Variants in NPSR1 observed in about 807,000 individuals in gnomAD.
NPSR1 encodes neuropeptide S receptor 1, also known as neuropeptide S receptor.
NPSR1 carries 48 observed loss-of-function variants against 46.9 expected under a neutral mutation model. That is an observed-to-expected ratio of 1.02 (90% CI 0.81 to 1.30). NPSR1 has a LOEUF of 1.30. NPSR1 is among the 50% of genes most tolerant of loss of function. The pLI is 0.00. For missense variants in NPSR1, 450 were observed against 449.5 expected (o/e 1.00, Z -0.01); for synonymous variants, 176 against 168.1 (o/e 1.05, Z -0.36).
intron 6 of NPSR1, among the ~76,000 whole-genome samples, chr7:34,838,964 T>A (rs943034834): frequency 6.6e-6 from 1 of 152,346 alleles, no homozygotes; most frequent in African/African-American, 2.4e-5. Flanking sequence ...TGATCCATGC[T>A]ATATCCAAAT....
At chr7:34,830,090 T>TG (rs917522515) in intron 5 of NPSR1, among the ~76,000 whole-genome samples, 9 of 152,314 alleles carry the variant, frequency 5.9e-5, no homozygotes, top group Admixed American at 1.3e-4. Context: ...GACCAGGCCC[T>TG]GGGGGGGCGA....
chr7:34,843,374 A>G (rs1465141993), intron 6 of NPSR1, among the ~76,000 whole-genome samples: 3 of 152,332 alleles, frequency 2.0e-5, no homozygotes, highest in Non-Finnish European at 4.4e-5. Context: ...CCATTCCATC[A>G]GAAGCCCACT....
At chr7:34,801,725 T>G (rs1788425185) in intron 3 of NPSR1, among the ~76,000 whole-genome samples, 1 of 147,494 alleles carries the variant, frequency 6.8e-6, no homozygotes, top group Non-Finnish European at 1.5e-5. Context: ...CCAGGGCAAT[T>G]AGGCAGGAGA....
intron 2 of NPSR1, among the ~76,000 whole-genome samples, chr7:34,770,123 ATTG>A (rs1181707663): frequency 1.1e-4 from 17 of 152,248 alleles, no homozygotes; most frequent in Non-Finnish European, 8.8e-5. Flanking sequence ...AGAATAGATT[ATTG>A]TTATTTACAT....
chr7:34,737,560 A>G (rs1385889458), intron 2 of NPSR1, among the ~76,000 whole-genome samples: 2 of 152,168 alleles, frequency 1.3e-5, no homozygotes, highest in African/African-American at 4.8e-5. Flanking sequence ...AGTAACTTTC[A>G]TATTCTAAAC....
chr7:34,719,729 CAA>C (rs1279470185), intron 2 of NPSR1: 1 of 152,138 alleles, frequency 6.6e-6, no homozygotes, highest in Non-Finnish European at 1.5e-5. Context: ...TTCTCTTATG[CAA>C]AACATCTAGA....
intron 6 of NPSR1, among the ~76,000 whole-genome samples, chr7:34,839,458 T>C (rs1243151516): frequency 6.6e-6 from 1 of 152,196 alleles, no homozygotes; most frequent in African/African-American, 2.4e-5. Context: ...GAGTGCGGTA[T>C]TGGCACAATA....
intron 3 of NPSR1, among the ~76,000 whole-genome samples, chr7:34,779,278 T>A (rs1473643496): frequency 1.3e-5 from 2 of 151,982 alleles, no homozygotes; most frequent in African/African-American, 4.8e-5. Context: ...ACACTTCAAC[T>A]AAGTCTGGAA....
chr7:34,772,198 T>C (rs1335352599), intron 2 of NPSR1, among the ~76,000 whole-genome samples: 1 of 152,234 alleles, frequency 6.6e-6, no homozygotes, highest in Non-Finnish European at 1.5e-5. Context: ...GTTCTAACAT[T>C]AGTAAACCTC....
intron 5 of NPSR1, among the ~76,000 whole-genome samples, chr7:34,829,993 C>T (rs1790040393): frequency 1.3e-5 from 2 of 152,206 alleles, no homozygotes; most frequent in Admixed American, 6.5e-5. Context: ...TTCCCTCTTT[C>T]GTGGCTCCCT....
chr7:34,852,019 C>T (rs988394331), downstream of NPSR1, among the ~76,000 whole-genome samples: 2 of 152,060 alleles, frequency 1.3e-5, no homozygotes, highest in East Asian at 1.9e-4. Context: ...GGTAATTGGC[C>T]GGGCACAGTG....
At chr7:34,667,766 A>C (rs937828399) in intron 1 of NPSR1, among the ~76,000 whole-genome samples, 1 of 151,872 alleles carries the variant, frequency 6.6e-6, no homozygotes, top group African/African-American at 2.4e-5. Flanking sequence ...CCCAGCCTTA[A>C]CTGCTTGCCC....
chr7:34,811,920 G>C, intron 4 of NPSR1, 57 bp downstream of exon 4: 1 of 1,088,150 alleles, frequency 9.2e-7, no homozygotes, highest in Non-Finnish European at 1.4e-6. Flanking sequence ...GTGAGGGTAG[G>C]ATCATTTTCA....
chr7:34,661,565 G>A (rs1304087545), intron 1 of NPSR1, among the ~76,000 whole-genome samples: 1 of 152,162 alleles, frequency 6.6e-6, no homozygotes, highest in Non-Finnish European at 1.5e-5. Flanking sequence ...CAGGCTTAGA[G>A]TCTGTTCCTT....
At chr7:34,822,565 G>T (rs1293429038) in intron 4 of NPSR1, among the ~76,000 whole-genome samples, 1 of 152,214 alleles carries the variant, frequency 6.6e-6, no homozygotes. Flanking sequence ...GAAATATGCA[G>T]TGTTATATTA....
chr7:34,841,755 G>A (rs1027176833), intron 6 of NPSR1, among the ~76,000 whole-genome samples: 3 of 152,116 alleles, frequency 2.0e-5, no homozygotes, highest in South Asian at 2.1e-4. Context: ...GAAGCACTGC[G>A]GGTTTCCATT....
At position 34,827,441 on chromosome 7, in the gene NPSR1, G is replaced by A. The variant is rs370633295; in HGVS notation, c.519G>A (p.Leu173=). ...ARVLIVIAWS[L]SFLFSIPTLI... is the part of the protein sequence containing the mutation. ...TCCTCATTGTGATCGCCTGGAGCCTGTCTTTTCTGTTCTCCATTCCCACCC... is the reference window on the plus strand; with the variant it reads ...TCCTCATTGTGATCGCCTGGAGCCTATCTTTTCTGTTCTCCATTCCCACCC... Residue 173 remains leucine, a synonymous_variant, in exon 5 of 9, where the codon CTG becomes CTA. Coordinates refer to ENST00000360581, the MANE Select transcript of NPSR1 (RefSeq NM_207172.2). 1.3e-5 allele frequency: 21 copies of A among 1,613,994 alleles called. No homozygotes were observed. The highest frequency in any genetic ancestry group is 1.7e-5 in the Non-Finnish European group (20 of 1,180,022).
At chr7:34,851,242 TAATAGCACTCCA>T, downstream of NPSR1, among the ~76,000 whole-genome samples, 1 of 151,800 alleles carries the variant, frequency 6.6e-6, no homozygotes. Context: ...CAGTATATTT[TAATAGCACTCCA>T]TTCCTCATTA....
intron 3 of NPSR1, among the ~76,000 whole-genome samples, chr7:34,779,379 G>A (rs917794476): frequency 1.3e-5 from 2 of 151,798 alleles, no homozygotes; most frequent in Non-Finnish European, 2.9e-5. Flanking sequence ...TTATTCTGAT[G>A]CTAGTACTTC....
Sources: allele counts gnomAD v4.1 joint callset (sites outside exome capture counted in the v4.1 genomes callset), GRCh38; gene constraint gnomAD v4.1.1; transcripts MANE v1.5; gene names NCBI Gene and HGNC (gene_info 2026-07-23, HGNC 2026-07-21).